Variants in VKORC1L1 observed in about 807,000 individuals in gnomAD.
The protein encoded by VKORC1L1 is vitamin K epoxide reductase complex subunit 1-like protein 1.
Under a neutral mutation model 18.9 loss-of-function variants are expected in VKORC1L1, and 2 were observed. The observed-to-expected ratio is 0.11, with a 90% CI of 0.04 to 0.33. The LOEUF (loss-of-function observed/expected upper bound fraction) is 0.33, where lower values mean the gene tolerates loss of function less well. VKORC1L1 is among the 10% of genes least tolerant of loss of function. The pLI is 1.00. For missense variants in VKORC1L1, 123 were observed against 224.1 expected, an observed-to-expected ratio of 0.55 and a Z score of 2.88; for synonymous variants, 96 against 100.0, an observed-to-expected ratio of 0.96 and a Z score of 0.24.
chr7:65,880,798 T>A (rs1431542698), intron 1 of VKORC1L1, among the ~76,000 whole-genome samples: 1 of 152,180 alleles, frequency 6.6e-6, no homozygotes, highest in Admixed American at 6.5e-5. Flanking sequence ...AGAATCTAGA[T>A]CTTGCCCATA....
intron 1 of VKORC1L1, among the ~76,000 whole-genome samples, chr7:65,875,759 G>A (rs1042880405): frequency 2.0e-5 from 3 of 152,102 alleles, no homozygotes; most frequent in African/African-American, 7.2e-5. Flanking sequence ...GACACCTCAA[G>A]TTAGTTTTTT....
chr7:65,913,113 G>T (rs1165992378), intron 1 of VKORC1L1, among the ~76,000 whole-genome samples: 1 of 152,186 alleles, frequency 6.6e-6, no homozygotes, highest in Non-Finnish European at 1.5e-5. Context: ...CTGTGGGGCT[G>T]CTCCCTCCAC....
At chr7:65,945,569 G>A (rs1394182479) in intron 1 of VKORC1L1, among the ~76,000 whole-genome samples, 5 of 151,894 alleles carry the variant, frequency 3.3e-5, no homozygotes, top group South Asian at 2.1e-4. Flanking sequence ...CCGAGATCGC[G>A]CCACTGCACT....
chr7:65,955,988 G>A lies in VKORC1L1; in HGVS notation c.*1688G>A, dbSNP rs1428846499. 6.6e-6 allele frequency: 1 copy of A among 152,198 alleles called. No homozygotes were observed. The highest frequency in any genetic ancestry group is 1.9e-4 in the East Asian group (1 of 5,198). The allele number at this position is 152,198 out of a possible 1,614,324, so 9.4% of individuals were successfully genotyped here. On this transcript the variant is annotated 3_prime_UTR_variant, in exon 3 of 3. Coordinates refer to ENST00000360768, the MANE Select transcript of VKORC1L1 (RefSeq NM_173517.6). Reference sequence around the variant, plus strand: ...TCTTCTGGCCCGAGGCAGGTATCAAGTCCAAATCATAATGAACTTTTCACC... The same window carrying A: ...TCTTCTGGCCCGAGGCAGGTATCAAATCCAAATCATAATGAACTTTTCACC...
intron 1 of VKORC1L1, among the ~76,000 whole-genome samples, chr7:65,936,340 T>C (rs1377668173): frequency 1.3e-5 from 2 of 152,208 alleles, no homozygotes; most frequent in Non-Finnish European, 2.9e-5. Flanking sequence ...TCTAGTTCTT[T>C]GTATGTCATA....
At chr7:65,929,936 G>A (rs1008474755) in intron 1 of VKORC1L1, among the ~76,000 whole-genome samples, 1 of 151,642 alleles carries the variant, frequency 6.6e-6, no homozygotes, top group African/African-American at 2.4e-5. Context: ...ATATCTCTAT[G>A]TATATAGGTT....
At chr7:65,913,861 C>A (rs1789543699) in intron 1 of VKORC1L1, among the ~76,000 whole-genome samples, 1 of 151,652 alleles carries the variant, frequency 6.6e-6, no homozygotes, top group South Asian at 2.1e-4. Flanking sequence ...CTGAGTAGTT[C>A]TTTTGGTGTG....
chr7:65,903,872 G>T (rs1045120184), intron 1 of VKORC1L1, among the ~76,000 whole-genome samples: 9 of 151,942 alleles, frequency 5.9e-5, no homozygotes, highest in Admixed American at 1.3e-4. Context: ...GGTTTAAAAT[G>T]GAAATTTAGA....
intron 1 of VKORC1L1, among the ~76,000 whole-genome samples, chr7:65,926,822 G>A (rs1451418550): frequency 6.6e-6 from 1 of 152,182 alleles, no homozygotes; most frequent in Admixed American, 6.5e-5. Flanking sequence ...TGGAGCTGGA[G>A]GCCATTATCC....
At position 65,892,774 on chromosome 7, in the gene VKORC1L1, A is replaced by G. The variant is rs117259244; in HGVS notation, c.194+19209A>G. ...CCTGCTTTGTAGAGCTACCTTGGTC[A>G]TAAATCAGGTAGTTATGTATACCAG... is the stretch of plus-strand genomic sequence containing the variant. On this transcript the variant is annotated intron_variant, in intron 1 of 2. Coordinates refer to ENST00000360768, the MANE Select transcript of VKORC1L1 (RefSeq NM_173517.6). 5.9e-5 allele frequency among the ~76,000 whole-genome samples: 9 copies of G among 152,354 alleles called. No homozygotes were observed. In the East Asian group the frequency reaches 1.7e-3, roughly 29 times the overall value.
At chr7:65,926,522 T>C (rs149922638) in intron 1 of VKORC1L1, among the ~76,000 whole-genome samples, 14 of 152,270 alleles carry the variant, frequency 9.2e-5, no homozygotes. Flanking sequence ...ATACAACCTC[T>C]TTGGAAAACA....
At chr7:65,914,982 G>A (rs576048742) in intron 1 of VKORC1L1, among the ~76,000 whole-genome samples, 46 of 151,970 alleles carry the variant, frequency 3.0e-4, no homozygotes, top group Non-Finnish European at 5.1e-4. Flanking sequence ...CTCCAGCCTG[G>A]GTAACAGAGC....
At chr7:65,873,856 C>A (rs183132778) in intron 1 of VKORC1L1, among the ~76,000 whole-genome samples, 1 of 147,624 alleles carries the variant, frequency 6.8e-6, no homozygotes, top group African/African-American at 2.5e-5. Context: ...AGCGGTCGGG[C>A]GGGCTGGGGC....
At chr7:65,950,706 A>C (rs1367071465) in intron 2 of VKORC1L1, among the ~76,000 whole-genome samples, 1 of 152,252 alleles carries the variant, frequency 6.6e-6, no homozygotes, top group African/African-American at 2.4e-5. Flanking sequence ...CTATGTAGCC[A>C]TTAAAGGAAA....
rs1789696764 is a variant in VKORC1L1 at position 65,922,692 on chromosome 7, A to T, written c.195-25979A>T. ...ACCTTCATTTTCAGCCGAAATGTAC[A>T]CTTGCACCTGGAATTGTGGATTGGC... On this transcript the variant is annotated intron_variant, in intron 1 of 2. Transcript: ENST00000360768. Among the ~76,000 whole-genome samples the T allele has an allele frequency of 2.0e-5, 3 of 152,174 alleles. No individual in the cohort carries two copies. The South Asian group carries it at 6.2e-4, about 32-fold the overall frequency.
intron 1 of VKORC1L1, among the ~76,000 whole-genome samples, chr7:65,897,005 C>CATAA (rs928028119): frequency 2.6e-5 from 4 of 152,170 alleles, no homozygotes; most frequent in Admixed American, 1.3e-4. Flanking sequence ...CTCCTCATCT[C>CATAA]ATAAATAAAT....
intron 1 of VKORC1L1, among the ~76,000 whole-genome samples, chr7:65,922,893 C>T (rs1789699428): frequency 6.6e-6 from 1 of 152,048 alleles, no homozygotes. Flanking sequence ...ATTTACGTGT[C>T]CTGCTTGGGG....
At position 65,873,511 on chromosome 7, in the gene VKORC1L1, G is replaced by A; in HGVS notation, c.140G>A (p.Arg47Gln). ...GAGAAGGAGCGGGACCCCGAGCACC[G>A]GGCCCTCTGCGACCTGGGGCCCTGG... ...EREKERDPEHRALCDLGPWVK... is the reference protein window; with the variant it reads ...EREKERDPEHQALCDLGPWVK... Residue 47 changes from arginine (R) to glutamine (Q), a missense_variant, in exon 1 of 3, where the codon CGG becomes CAG. By Grantham distance (43) the Arg-to-Gln change is conservative. Transcript: ENST00000360768. The A allele has an allele frequency of 2.5e-6, 4 of 1,591,870 alleles. No individual in the cohort carries two copies. The highest frequency in any genetic ancestry group is 2.3e-4 in the Middle Eastern group (1 of 4,400).
At chr7:65,874,195 A>G (rs1053447908) in intron 1 of VKORC1L1, among the ~76,000 whole-genome samples, 1 of 152,106 alleles carries the variant, frequency 6.6e-6, no homozygotes, top group African/African-American at 2.4e-5. Context: ...CCTACTGTGG[A>G]AGAAGATACC....
Sources: gnomAD v4.1 joint callset for allele counts (sites outside exome capture counted in the v4.1 genomes callset) on GRCh38, gnomAD v4.1.1 for gene constraint, MANE v1.5 for transcripts, NCBI Gene and HGNC (gene_info 2026-07-23, HGNC 2026-07-21) for gene names.